AK5: variants seen among roughly 807,000 people sequenced by gnomAD.
AK5 encodes adenylate kinase 5.
Under a neutral mutation model 69.5 loss-of-function variants are expected in AK5, and 27 were observed. The ratio of observed to expected loss-of-function variants is 0.39; its 90% confidence interval spans 0.29 to 0.54. AK5 has a LOEUF of 0.54. Among genes scored for constraint, AK5 ranks in the 20% least tolerant of loss-of-function variants. The pLI is 0.71. For synonymous variants in AK5, 260 were observed against 244.4 expected, an observed-to-expected ratio of 1.06 and a Z score of -0.60; for missense variants, 531 against 700.4, an observed-to-expected ratio of 0.76 and a Z score of 2.73.
chr1:77,411,969 A>G (rs112356123), intron 7 of AK5, among the ~76,000 whole-genome samples: 4 of 152,224 alleles, frequency 2.6e-5, no homozygotes, highest in Admixed American at 1.3e-4. Flanking sequence ...TGCAAGAAAG[A>G]TGAAATATTG....
chr1:77,343,826 T>A (rs964886645), intron 6 of AK5, among the ~76,000 whole-genome samples: 4 of 152,230 alleles, frequency 2.6e-5, no homozygotes, highest in Admixed American at 6.5e-5. Context: ...CAAATGCTCA[T>A]CTTTTAGAAT....
chr1:77,525,115 C>G (rs1203036438), intron 12 of AK5, among the ~76,000 whole-genome samples: 1 of 152,144 alleles, frequency 6.6e-6, no homozygotes, highest in Non-Finnish European at 1.5e-5. Flanking sequence ...CACCATGTTG[C>G]CCAGGCTTGT....
At chr1:77,468,871 CT>C (rs776932036) in intron 8 of AK5, among the ~76,000 whole-genome samples, 12 of 152,178 alleles carry the variant, frequency 7.9e-5, no homozygotes, top group Non-Finnish European at 1.5e-4. Flanking sequence ...TAAAGGCTGG[CT>C]TTTGAGTTCA....
chr1:77,286,430 A>T (rs1240229356), intron 1 of AK5, among the ~76,000 whole-genome samples: 2 of 151,206 alleles, frequency 1.3e-5, no homozygotes, highest in East Asian at 3.9e-4. Context: ...TTAGGCAAGA[A>T]TTTAAGGGAT....
intron 6 of AK5, among the ~76,000 whole-genome samples, chr1:77,403,371 C>T (rs1649376160): frequency 6.6e-6 from 1 of 150,720 alleles, no homozygotes; most frequent in Non-Finnish European, 1.5e-5. Context: ...AGTCCTTGCC[C>T]ATGCCTATGT....
Position 77,297,622 on chromosome 1 carries a change from A to G in AK5, c.479A>G (p.Tyr160Cys), listed in dbSNP as rs1659088851. ...ATTGCAGAACGATATGGATTCCAATACATTTCTGTGGGAGAATTATTAAGA... is the reference window on the plus strand; with the variant it reads ...ATTGCAGAACGATATGGATTCCAATGCATTTCTGTGGGAGAATTATTAAGA... ...LKIAERYGFQ[Y>C]ISVGELLRKK... Residue 160 changes from tyrosine (Y) to cysteine (C), a missense_variant, in exon 4 of 14, where the codon TAC becomes TGC. Physicochemically the swap from Tyr to Cys is radical, Grantham distance 194. Coordinates refer to ENST00000354567, the MANE Select transcript of AK5 (RefSeq NM_174858.3). The G allele has an allele frequency of 6.2e-7, 1 of 1,613,974 alleles. No homozygotes were observed. Among genetic ancestry groups the G allele is most frequent in the Non-Finnish European group, 8.5e-7 (1 of 1,179,930 alleles).
At chr1:77,285,842 T>C (rs1376774928) in intron 1 of AK5, among the ~76,000 whole-genome samples, 1 of 152,136 alleles carries the variant, frequency 6.6e-6, no homozygotes, top group African/African-American at 2.4e-5. Flanking sequence ...AGACTTGAGC[T>C]TTGAGGGATT....
At chr1:77,338,850 T>G (rs1661502867) in intron 5 of AK5, among the ~76,000 whole-genome samples, 1 of 152,258 alleles carries the variant, frequency 6.6e-6, no homozygotes, top group Non-Finnish European at 1.5e-5. Flanking sequence ...TTATATTATT[T>G]AATCTTCATA....
At chr1:77,371,887 A>G (rs946765770) in intron 6 of AK5, among the ~76,000 whole-genome samples, 5 of 152,204 alleles carry the variant, frequency 3.3e-5, no homozygotes, top group African/African-American at 1.2e-4. Context: ...GGAAGAGGGA[A>G]GGAAGTAACA....
chr1:77,453,952 G>T (rs972803831), intron 8 of AK5, among the ~76,000 whole-genome samples: 1 of 152,146 alleles, frequency 6.6e-6, no homozygotes. Context: ...TGTACGGGGA[G>T]CCCCTTTTTC....
intron 6 of AK5, among the ~76,000 whole-genome samples, chr1:77,347,313 ACCGTAT>A (rs1661965233): frequency 6.6e-6 from 1 of 152,182 alleles, no homozygotes; most frequent in Non-Finnish European, 1.5e-5. Context: ...CATGAGAAAT[ACCGTAT>A]CCATTTTTGA....
intron 8 of AK5, among the ~76,000 whole-genome samples, chr1:77,475,418 CTATATATTATATATATGT>C (rs1162482453): frequency 0.37 from 28,755 of 78,778 alleles, 6,644 homozygotes; most frequent in Middle Eastern, 0.47. Flanking sequence ...TATATATATA[CTATATATTATATATATGT>C]ATATATATTA....
chr1:77,447,445 C>A (rs1445517641), intron 8 of AK5, among the ~76,000 whole-genome samples: 1 of 152,100 alleles, frequency 6.6e-6, no homozygotes, highest in East Asian at 1.9e-4. Context: ...ATAGGAGAAA[C>A]CTTTGCAGAA....
intron 6 of AK5, among the ~76,000 whole-genome samples, chr1:77,346,553 G>A (rs1042250941): frequency 3.3e-5 from 5 of 152,178 alleles, no homozygotes; most frequent in African/African-American, 1.2e-4. Flanking sequence ...CTGAAGTGCA[G>A]TGGCGTGACC....
chr1:77,360,195 T>A (rs1409071293), intron 6 of AK5, among the ~76,000 whole-genome samples: 2 of 151,974 alleles, frequency 1.3e-5, no homozygotes, highest in African/African-American at 4.8e-5. Context: ...CAACAAAACA[T>A]CTGAGCCAAA....
intron 6 of AK5, among the ~76,000 whole-genome samples, chr1:77,396,845 A>G (rs1648865055): frequency 6.6e-6 from 1 of 152,218 alleles, no homozygotes; most frequent in African/African-American, 2.4e-5. Flanking sequence ...GGAAAGTGTT[A>G]CGTTGTGATT....
intron 8 of AK5, among the ~76,000 whole-genome samples, chr1:77,431,077 G>T (rs1651606472): frequency 6.6e-6 from 1 of 152,100 alleles, no homozygotes; most frequent in African/African-American, 2.4e-5. Context: ...ATAGGAGGAT[G>T]GGTTTGTATA....
intron 8 of AK5, among the ~76,000 whole-genome samples, chr1:77,470,863 A>T (rs1264670041): frequency 0.29 from 815 of 2,834 alleles, 118 homozygotes; most frequent in Middle Eastern, 0.38. Flanking sequence ...ATATATATAT[A>T]TATATATATA....
In AK5 at chr1:77,393,729, G is replaced by A. The variant is rs118034949; in HGVS notation, c.892-17252G>A. On this transcript the variant is annotated intron_variant, in intron 6 of 13. Transcript: ENST00000354567. The stretch of plus-strand genomic sequence containing the variant: ...ACCCACATGACACTATTTTCTAGAC[G>A]AGGAAAGAAGCTTAGAGAATCAGTA... 1.9e-4 allele frequency among the ~76,000 whole-genome samples: 29 copies of A among 152,232 alleles called. No individual in the cohort carries two copies. In the East Asian group the frequency reaches 3.3e-3, roughly 17 times the overall value.
Sources: gnomAD v4.1 joint callset for allele counts (sites outside exome capture counted in the v4.1 genomes callset) on GRCh38, gnomAD v4.1.1 for gene constraint, MANE v1.5 for transcripts, NCBI Gene and HGNC (gene_info 2026-07-23, HGNC 2026-07-21) for gene names.